Variants in KIF13B observed in about 807,000 individuals in gnomAD.
KIF13B encodes kinesin family member 13B, also known as kinesin-like protein KIF13B.
A neutral mutation model predicts 222.0 loss-of-function variants in KIF13B; 127 were observed. The observed-to-expected ratio is 0.57, with a 90% CI of 0.50 to 0.66. The LOEUF (loss-of-function observed/expected upper bound fraction) is 0.66, where lower values mean the gene tolerates loss of function less well. KIF13B is among the 30% of genes least tolerant of loss of function. The probability of loss-of-function intolerance (pLI) is 0.00; values close to 1 mark genes in which losing one functional copy is unlikely to be tolerated. For missense variants in KIF13B, 2,173 were observed against 2,379.0 expected, an observed-to-expected ratio of 0.91 and a Z score of 1.80; for synonymous variants, 976 against 919.0, an observed-to-expected ratio of 1.06 and a Z score of -1.12.
chr8:29,139,917 A>G (rs1172551188), intron 21 of KIF13B, 146 bp downstream of exon 21: 1 of 724,744 alleles, frequency 1.4e-6, no homozygotes, highest in African/African-American at 1.8e-5. Flanking sequence ...AAAGGAACAT[A>G]ATACTTACCA....
intron 1 of KIF13B, among the ~76,000 whole-genome samples, chr8:29,259,762 A>C (rs1044569966): frequency 2.6e-5 from 4 of 152,242 alleles, no homozygotes; most frequent in African/African-American, 9.6e-5. Flanking sequence ...GGAAGCACAC[A>C]AGAATTATCT....
intron 2 of KIF13B, among the ~76,000 whole-genome samples, chr8:29,225,737 G>C (rs1360520435): frequency 6.6e-6 from 1 of 152,148 alleles, no homozygotes; most frequent in Non-Finnish European, 1.5e-5. Context: ...GTCTGGGCAG[G>C]ATTTTATTGT....
chr8:29,103,591 A>T (rs1808903277), intron 35 of KIF13B, among the ~76,000 whole-genome samples: 1 of 152,234 alleles, frequency 6.6e-6, no homozygotes, highest in South Asian at 2.1e-4. Context: ...TGAATTTCGC[A>T]TTTGGAATAG....
chr8:29,113,239 T>G (rs541432628), intron 32 of KIF13B, among the ~76,000 whole-genome samples: 22 of 152,350 alleles, frequency 1.4e-4, no homozygotes, highest in African/African-American at 5.3e-4. Flanking sequence ...AGGTGTTGAT[T>G]TGCTTTTCAA....
At chr8:29,251,959 A>G (rs1816302227) in intron 1 of KIF13B, among the ~76,000 whole-genome samples, 1 of 152,048 alleles carries the variant, frequency 6.6e-6, no homozygotes, top group Non-Finnish European at 1.5e-5. Context: ...GCTTTACAGT[A>G]CTCAGAACCA....
At chr8:29,164,091 G>A (rs1035271259) in intron 12 of KIF13B, among the ~76,000 whole-genome samples, 20 of 152,266 alleles carry the variant, frequency 1.3e-4, no homozygotes, top group African/African-American at 4.8e-4. Flanking sequence ...CAGGTGATGG[G>A]TACCTATAGA....
At chr8:29,086,154 ATAAATCCAG>A (rs137983459) in intron 37 of KIF13B, among the ~76,000 whole-genome samples, 3,801 of 152,326 alleles carry the variant, frequency 0.025, 64 homozygotes, top group Non-Finnish European at 0.036. Flanking sequence ...TCTAGTAGTA[ATAAATCCAG>A]AACCAAGTAC....
In KIF13B at chr8:29,157,378, G is replaced by C. The variant is rs948324868; in HGVS notation, c.1405-1522C>G. Among the ~76,000 whole-genome samples the C allele has an allele frequency of 3.2e-5, 4 of 125,380 alleles. No individual in the cohort carries two copies. In the Admixed American group the frequency reaches 4.0e-4, roughly 13 times the overall value. 82.3% of individuals were successfully genotyped at this position (125,380 alleles called of 152,430 possible). ...AAGACCAGCCCGGGCAACACAGTGA[G>C]ACCTCGTCTCTACCAAAAAAAAAAA... On this transcript the variant is annotated intron_variant, in intron 13 of 39. Transcript: ENST00000524189.
intron 36 of KIF13B, among the ~76,000 whole-genome samples, chr8:29,098,205 T>C (rs558872040): frequency 1.1e-3 from 134 of 121,380 alleles, no homozygotes; most frequent in African/African-American, 4.3e-3. Flanking sequence ...GTGATGTTTA[T>C]GAAAATAAAC....
At chr8:29,113,588 C>A in intron 31 of KIF13B, 33 bp from the exon 32 acceptor site, 1 of 1,335,072 alleles carries the variant, frequency 7.5e-7, no homozygotes, top group East Asian at 2.5e-5. Flanking sequence ...ATATGGTTTC[C>A]CACCTGAAAA....
At chr8:29,176,926 T>C (rs73669482) in intron 9 of KIF13B, among the ~76,000 whole-genome samples, 7,178 of 152,260 alleles carry the variant, frequency 0.047, 358 homozygotes, top group African/African-American at 0.12. Flanking sequence ...AGCATGACAG[T>C]GTTTAGTAAA....
At chr8:29,115,455 T>C (rs1356605042) in intron 31 of KIF13B, among the ~76,000 whole-genome samples, 6 of 151,618 alleles carry the variant, frequency 4.0e-5, no homozygotes, top group Non-Finnish European at 7.4e-5. Context: ...GCCTCCTGAG[T>C]AGCTGAGATT....
intron 2 of KIF13B, among the ~76,000 whole-genome samples, chr8:29,207,943 G>A (rs1016582090): frequency 2.6e-5 from 4 of 152,204 alleles, no homozygotes; most frequent in East Asian, 1.9e-4. Flanking sequence ...GGCACCATGT[G>A]AGGAGAGCCC....
In KIF13B at chr8:29,092,846, G is replaced by A. The variant is rs377446510; in HGVS notation, c.4357C>T (p.Pro1453Ser). The change falls in exon 37 of 40, where the codon CCT (proline) becomes TCT (serine). Residue 1453 changes from proline to serine, a missense_variant. Transcript: ENST00000524189. ...LSNLAASYLN[P>S]VKSFVPQMPK... ...ATTTGCGGCACGAAGGATTTGACAG[G>A]ATTCAAGTAGGATGCTGCAAGGTTA... 1.3e-5 allele frequency: 21 copies of A among 1,612,060 alleles called. No individual in the cohort carries two copies. The highest frequency in any genetic ancestry group is 1.7e-5 in the Non-Finnish European group (20 of 1,179,176).
chr8:29,096,338 C>G (rs117883148), intron 36 of KIF13B, among the ~76,000 whole-genome samples: 1 of 136,686 alleles, frequency 7.3e-6, no homozygotes, highest in African/African-American at 2.7e-5. Context: ...CTCACTCTGT[C>G]GCCTAGACCT....
chr8:29,236,809 G>A (rs898609600), intron 2 of KIF13B, among the ~76,000 whole-genome samples: 3 of 152,092 alleles, frequency 2.0e-5, no homozygotes, highest in Non-Finnish European at 4.4e-5. Flanking sequence ...TTTCTCACAA[G>A]AAAATGTACA....
chr8:29,131,270 A>G (rs1810331818), intron 23 of KIF13B, among the ~76,000 whole-genome samples: 1 of 152,000 alleles, frequency 6.6e-6, no homozygotes, highest in African/African-American at 2.4e-5. Context: ...AAAGCTCAGC[A>G]TCACACAATA....
At chr8:29,109,356 G>A (rs548408040) in intron 34 of KIF13B, 78 bp downstream of exon 34, 1 of 1,130,410 alleles carries the variant, frequency 8.8e-7, no homozygotes, top group South Asian at 1.3e-5. Flanking sequence ...GGTTTGACGG[G>A]TGGAGAAGAG....
intron 18 of KIF13B, among the ~76,000 whole-genome samples, chr8:29,143,157 G>C (rs1810895769): frequency 6.6e-6 from 1 of 152,098 alleles, no homozygotes; most frequent in Non-Finnish European, 1.5e-5. Flanking sequence ...TTTAAATTTT[G>C]ACTGTAGTTG....
Sources: gnomAD v4.1 joint callset for allele counts (sites outside exome capture counted in the v4.1 genomes callset) on GRCh38, gnomAD v4.1.1 for gene constraint, MANE v1.5 for transcripts, NCBI Gene and HGNC (gene_info 2026-07-23, HGNC 2026-07-21) for gene names.